DACT2: variants seen among roughly 807,000 people sequenced by gnomAD.
DACT2 encodes dishevelled binding antagonist of beta catenin 2.
Under a neutral mutation model 22.2 loss-of-function variants are expected in DACT2, and 20 were observed. That is an observed-to-expected ratio of 0.90 (90% confidence interval 0.63 to 1.31). The LOEUF (loss-of-function observed/expected upper bound fraction) is 1.31. Among genes scored for constraint, DACT2 ranks in the 50% most tolerant of loss-of-function variants. The pLI is 0.00. For missense variants in DACT2, 1,048 were observed against 1,061.4 expected (o/e 0.99, Z 0.18); for synonymous variants, 463 against 479.8 (o/e 0.96, Z 0.46).
chr6:168,306,521 C>T (rs1253652226), downstream of DACT2, among the ~76,000 whole-genome samples: 2 of 151,978 alleles, frequency 1.3e-5, no homozygotes, highest in Non-Finnish European at 2.9e-5. Flanking sequence ...TGGCTCACTG[C>T]AGCCTCCGCC....
At chr6:168,298,644 A>G (rs536968147) in intron 3 of DACT2, 14 of 152,374 alleles carry the variant, frequency 9.2e-5, no homozygotes, top group African/African-American at 3.4e-4. Context: ...ACCTTCATGT[A>G]CATGCAATGA....
Position 168,310,292 on chromosome 6 carries a change from C to G in DACT2, c.534G>C (p.Ser178=). The G allele has an allele frequency of 6.4e-7, 1 of 1,551,538 alleles. No homozygotes were observed. The highest frequency in any genetic ancestry group is 8.7e-7 in the Non-Finnish European group (1 of 1,146,984). ...RPSMGDWRPR[S]VDETTVPAWR... is the part of the protein sequence containing the mutation. ...ACGCTGGCACAGTAGTCTCATCAAC[C>G]GACCGGGGCCTCCAGTCCCCCATGC... The change falls in exon 3 of 4, where the codon TCG becomes TCC. Residue 178 remains serine (S), a synonymous_variant. Coordinates refer to ENST00000366795, the MANE Select transcript of DACT2 (RefSeq NM_214462.5).
chr6:168,304,257 A>T (rs1386100331), downstream of DACT2, among the ~76,000 whole-genome samples: 1 of 152,210 alleles, frequency 6.6e-6, no homozygotes, highest in African/African-American at 2.4e-5. Context: ...ATGTCTGTTT[A>T]GAGGAAAAAT....
chr6:168,307,582 C>T lies in DACT2; in HGVS notation c.2175G>A (p.Ala725=), dbSNP rs773925540. ...GGGCCTCCTGGGTCCAGGCCAGCTC[C>T]GCATGCCCGGCCGCCACATAGCCCA... ...LALGYVAAGH[A]ELAWTQEAPV... is the part of the protein sequence containing the mutation. Residue 725 remains alanine (A), a synonymous_variant, in exon 4 of 4, where the codon GCG becomes GCA. Coordinates refer to ENST00000366795, the MANE Select transcript of DACT2 (RefSeq NM_214462.5). The surrounding 1 kb of genome is among the most constrained non-coding windows in gnomAD (Gnocchi z 5.3). The T allele has an allele frequency of 1.6e-5, 25 of 1,550,126 alleles. No homozygotes were observed. Among genetic ancestry groups the T allele is most frequent in the South Asian group, 1.3e-4 (11 of 83,936 alleles).
intron 3 of DACT2, chr6:168,299,427 A>G (rs1038861844): frequency 6.6e-5 from 10 of 152,236 alleles, no homozygotes; most frequent in African/African-American, 2.2e-4. Context: ...TCTGGGTTCC[A>G]TAACCTCCAC....
chr6:168,318,546 G>T (rs1461766188), intron 1 of DACT2, among the ~76,000 whole-genome samples: 1 of 152,200 alleles, frequency 6.6e-6, no homozygotes, highest in Non-Finnish European at 1.5e-5. Flanking sequence ...GGTAACACAA[G>T]TAAACATATC....
At chr6:168,299,244 C>T (rs1779060573) in intron 3 of DACT2, 1 of 152,200 alleles carries the variant, frequency 6.6e-6, no homozygotes, top group South Asian at 2.1e-4. Flanking sequence ...GTCTCCCCAG[C>T]TTAGGCATAA....
chr6:168,300,838 T>G (rs1197799223), intron 3 of DACT2, among the ~76,000 whole-genome samples: 1 of 151,924 alleles, frequency 6.6e-6, no homozygotes, highest in Non-Finnish European at 1.5e-5. Flanking sequence ...TATAAAAAAT[T>G]AGCCAGGCGT....
intron 3 of DACT2, among the ~76,000 whole-genome samples, chr6:168,309,549 C>T (rs557284873): frequency 9.0e-5 from 9 of 100,392 alleles, no homozygotes; most frequent in East Asian, 6.2e-4. Flanking sequence ...CAGGGAGAAT[C>T]GCCAGTTCAG....
chr6:168,309,156 G>T, intron 3 of DACT2, 58 bp from the exon 4 acceptor site: 1 of 1,448,456 alleles, frequency 6.9e-7, no homozygotes, highest in South Asian at 1.4e-5. Context: ...GTGCACTGTT[G>T]ATTTCATTTC....
Position 168,308,548 on chromosome 6 carries a change from G to A in DACT2, c.1209C>T (p.Pro403=), listed in dbSNP as rs1354090973. 6.5e-7 allele frequency: 1 copy of A among 1,550,308 alleles called. No homozygotes were observed. Among genetic ancestry groups the A allele is most frequent in the African/African-American group, 1.4e-5 (1 of 73,006 alleles). The change falls in exon 4 of 4, where the codon CCC becomes CCT. Residue 403 remains proline (P), a synonymous_variant. Coordinates refer to ENST00000366795, the MANE Select transcript of DACT2 (RefSeq NM_214462.5). Reference sequence around the variant, plus strand: ...CAAGGGGCATGTATCCCTGCTGCTGGGGCCCGCCCCTGCCGGCACCCCTGC... The same window carrying A: ...CAAGGGGCATGTATCCCTGCTGCTGAGGCCCGCCCCTGCCGGCACCCCTGC... ...AQSRGAGRGG[P]QQQGYMPLEG...
Position 168,308,990 on chromosome 6 carries a change from G to C in DACT2, c.767C>G (p.Pro256Arg). 1 of 1,549,184 alleles carries C rather than the reference G, an allele frequency of 6.5e-7. No homozygotes were observed. The highest frequency in any genetic ancestry group is 1.4e-5 in the African/African-American group (1 of 73,192). ...CAGGTCCTGCCGATACTTGGGGTCC[G>C]GCACGTGCAGCGGGATATCCACCCC... ...CQGVDIPLHVPDPKYRQDLVS... is the reference protein window; with the variant it reads ...CQGVDIPLHVRDPKYRQDLVS... Residue 256 changes from proline to arginine, a missense_variant, in exon 4 of 4, where the codon CCG becomes CGG. Pro to Arg is a moderately radical substitution (Grantham distance 103). Transcript: ENST00000366795.
downstream of DACT2, among the ~76,000 whole-genome samples, chr6:168,306,723 C>T (rs1282086508): frequency 2.0e-5 from 3 of 151,864 alleles, no homozygotes; most frequent in African/African-American, 4.8e-5. Flanking sequence ...GTGCTGGGAT[C>T]ACAGGCGTGA....
At chr6:168,297,828 C>T (rs1046910785) in intron 3 of DACT2, among the ~76,000 whole-genome samples, 3 of 152,226 alleles carry the variant, frequency 2.0e-5, no homozygotes, top group Non-Finnish European at 4.4e-5. Flanking sequence ...GAACTTTGGC[C>T]TGGTCAGTGG....
chr6:168,311,122 T>G (rs1317887361), intron 2 of DACT2, 30 bp downstream of exon 2: 4 of 1,500,646 alleles, frequency 2.7e-6, no homozygotes, highest in Non-Finnish European at 3.6e-6. Context: ...TGCCTGCCCC[T>G]GTGTCCGGGA....
chr6:168,293,612 G>A, exon 6 of DACT2: 2 of 435,110 alleles, frequency 4.6e-6, no homozygotes, highest in Non-Finnish European at 8.3e-6. Context: ...GAAAGTAGAA[G>A]GATTGGAATT....
At chr6:168,295,763 A>G (rs1244042130) in intron 3 of DACT2, among the ~76,000 whole-genome samples, 1 of 152,216 alleles carries the variant, frequency 6.6e-6, no homozygotes, top group Non-Finnish European at 1.5e-5. Flanking sequence ...AAGAACCCAA[A>G]TGGCCAAGAC....
chr6:168,306,644 GT>G (rs1779213877), downstream of DACT2, among the ~76,000 whole-genome samples: 1 of 151,576 alleles, frequency 6.6e-6, no homozygotes, highest in African/African-American at 2.4e-5. Flanking sequence ...CAGAGACGGG[GT>G]TTCACCATGT....
chr6:168,319,466 G>GGCGGGC lies in DACT2; in HGVS notation c.162_167dup (p.Pro55_Ala56dup). 2.5e-6 allele frequency: 3 copies of GGCGGGC among 1,203,452 alleles called. No homozygotes were observed. Among genetic ancestry groups the GGCGGGC allele is most frequent in the Non-Finnish European group, 3.1e-6 (3 of 970,856 alleles). The allele number at this position is 1,203,452 out of a possible 1,614,324, so 74.5% of individuals were successfully genotyped here. A position where few individuals can be genotyped will look rare whatever the true frequency, so the allele number is the denominator to read the frequency against. Reference sequence around the variant, plus strand: ...GGAGGCCGTGGGGGCCGCAGGGCGCGGCGGGCGCGGGCGGGGGCTGCAGGG... The same window carrying GGCGGGC: ...GGAGGCCGTGGGGGCCGCAGGGCGCGGCGGGCGCGGGCGCGGGCGGGGGCTGCAGGG... On this transcript the variant is annotated inframe_insertion, in exon 1 of 4. Transcript: ENST00000366795.
Sources: gnomAD v4.1 joint callset for allele counts (sites outside exome capture counted in the v4.1 genomes callset) on GRCh38, gnomAD v4.1.1 for gene constraint, Gnocchi (gnomAD v3.1) non-coding constraint, MANE v1.5 for transcripts, NCBI Gene and HGNC (gene_info 2026-07-23, HGNC 2026-07-21) for gene names.